PCDH9: variants seen among roughly 807,000 people sequenced by gnomAD.
PCDH9 encodes the protein protocadherin 9.
Under a neutral mutation model 70.6 loss-of-function variants are expected in PCDH9, and 24 were observed. That is an observed-to-expected ratio of 0.34 (90% CI 0.25 to 0.48). PCDH9 has a LOEUF of 0.48. PCDH9 is among the 20% of genes least tolerant of loss of function. The pLI is 0.99. For missense variants in PCDH9, 1,281 were observed against 1,503.6 expected (o/e 0.85, Z 2.45); for synonymous variants, 562 against 558.5 (o/e 1.01, Z -0.09).
chr13:66,827,644 T>C (rs558360849), intron 3 of PCDH9, among the ~76,000 whole-genome samples: 11 of 152,280 alleles, frequency 7.2e-5, no homozygotes, highest in South Asian at 4.1e-4. Flanking sequence ...TCCAAACACC[T>C]AGAGCAACCA....
intron 2 of PCDH9, chr13:67,223,347 C>T (rs1305861333): frequency 6.6e-6 from 1 of 152,184 alleles, no homozygotes; most frequent in African/African-American, 2.4e-5. Context: ...TGGATCTATA[C>T]ATCAATGCTA....
At position 67,225,496 on chromosome 13, in the gene PCDH9, T is replaced by A; in HGVS notation, c.2945A>T (p.Lys982Ile). 6.2e-7 allele frequency: 1 copy of A among 1,613,850 alleles called. No individual in the cohort carries two copies. The change falls in exon 2 of 5, where the codon AAA (lysine) becomes ATA (isoleucine). Residue 982 changes from lysine (K) to isoleucine (I), a missense_variant. By Grantham distance (102) the Lys-to-Ile change is moderately radical (BLOSUM62 -3). Around this residue, in one of 4 missense-constraint regions of PCDH9, gnomAD observed 207 missense variants for 191.8 expected, o/e 1.08. Transcript: ENST00000377865. ...TFVGGCDTLSKRSSTSSDHFS... is the reference protein window; with the variant it reads ...TFVGGCDTLSIRSSTSSDHFS... ...GTGATCTGAACTAGTGGAAGAGCGTTTAGAAAGGGTGTCACAACCCCCAAC... is the reference window on the plus strand; with the variant it reads ...GTGATCTGAACTAGTGGAAGAGCGTATAGAAAGGGTGTCACAACCCCCAAC...
At chr13:67,074,512 C>T (rs1249693510) in intron 2 of PCDH9, among the ~76,000 whole-genome samples, 1 of 152,098 alleles carries the variant, frequency 6.6e-6, no homozygotes, top group African/African-American at 2.4e-5. Context: ...CTATCTACCT[C>T]CCCATAATAG....
intron 2 of PCDH9, among the ~76,000 whole-genome samples, chr13:67,015,447 G>T (rs1036670093): frequency 3.3e-5 from 5 of 151,996 alleles, no homozygotes; most frequent in Admixed American, 1.3e-4. Flanking sequence ...TCTACTTCTG[G>T]TATTTCAATG....
At chr13:66,812,219 A>T (rs2139363484) in intron 3 of PCDH9, among the ~76,000 whole-genome samples, 1 of 152,324 alleles carries the variant, frequency 6.6e-6, no homozygotes, top group Middle Eastern at 3.4e-3. Flanking sequence ...TTTTAATGGA[A>T]GAAAAGGCAG....
chr13:66,929,037 G>GA (rs1259401271), intron 2 of PCDH9, among the ~76,000 whole-genome samples: 4 of 151,842 alleles, frequency 2.6e-5, no homozygotes, highest in Admixed American at 6.6e-5. Context: ...TATGTTACAG[G>GA]AAAAAAATTA....
chr13:66,440,107 T>C (rs571618175), intron 4 of PCDH9, among the ~76,000 whole-genome samples: 2 of 152,296 alleles, frequency 1.3e-5, no homozygotes, highest in Non-Finnish European at 2.9e-5. Context: ...TGGTTTTTTA[T>C]AGTAAACGAA....
At chr13:66,528,662 A>T (rs1960314404) in intron 4 of PCDH9, among the ~76,000 whole-genome samples, 1 of 152,170 alleles carries the variant, frequency 6.6e-6, no homozygotes, top group African/African-American at 2.4e-5. Context: ...GAAAAGTATT[A>T]CTTCAGCACA....
At chr13:66,550,185 A>C (rs903523278) in intron 4 of PCDH9, among the ~76,000 whole-genome samples, 1 of 152,056 alleles carries the variant, frequency 6.6e-6, no homozygotes, top group African/African-American at 2.4e-5. Flanking sequence ...ATGTTGGTTG[A>C]TTTGCGTTTT....
At chr13:67,221,955 G>C (rs555992878) in intron 2 of PCDH9, 2 of 152,166 alleles carry the variant, frequency 1.3e-5, no homozygotes, top group African/African-American at 2.4e-5. Context: ...AGCAGCATCA[G>C]TACCACCTAG....
intron 2 of PCDH9, among the ~76,000 whole-genome samples, chr13:67,103,532 A>G (rs2086474870): frequency 1.3e-5 from 2 of 152,248 alleles, no homozygotes; most frequent in Admixed American, 1.3e-4. Context: ...TATAATTTCA[A>G]ACCTGCTAAC....
intron 3 of PCDH9, among the ~76,000 whole-genome samples, chr13:66,846,365 A>T (rs1020214643): frequency 2.6e-5 from 4 of 152,296 alleles, no homozygotes; most frequent in African/African-American, 9.6e-5. Flanking sequence ...TAATAAGCAG[A>T]TTTCAATCTC....
Position 67,226,962 on chromosome 13 carries a change from G to C in PCDH9, c.1479C>G (p.Ala493=). Residue 493 remains alanine, a synonymous_variant, in exon 2 of 5, where the codon GCC becomes GCG. Coordinates refer to ENST00000377865, the MANE Select transcript of PCDH9 (RefSeq NM_203487.3). The surrounding 1 kb of genome is among the most constrained non-coding windows in gnomAD (Gnocchi z 5.0). ...CATTTTTCCCACTGTCTTCATCTGT[G>C]GCACTAATAGTTGTTAAGTATAACC... is the stretch of plus-strand genomic sequence containing the variant. ...RRGLYLTTIS[A]TDEDSGKNAD... is the part of the protein sequence containing the mutation. 6.2e-7 allele frequency: 1 copy of C among 1,614,172 alleles called. No individual in the cohort carries two copies. The highest frequency in any genetic ancestry group is 8.5e-7 in the Non-Finnish European group (1 of 1,180,028).
At chr13:66,989,390 T>C (rs1272747341) in intron 2 of PCDH9, among the ~76,000 whole-genome samples, 1 of 151,982 alleles carries the variant, frequency 6.6e-6, no homozygotes, top group Non-Finnish European at 1.5e-5. Context: ...ACAGAGATTG[T>C]AGCCATTAAA....
At chr13:66,549,079 AT>A (rs1323684371) in intron 4 of PCDH9, among the ~76,000 whole-genome samples, 2 of 152,136 alleles carry the variant, frequency 1.3e-5, no homozygotes, top group African/African-American at 2.4e-5. Flanking sequence ...TTTCCAAGAA[AT>A]TCTTTTCCTC....
chr13:66,762,135 C>T (rs1040083754), intron 3 of PCDH9, among the ~76,000 whole-genome samples: 4 of 152,038 alleles, frequency 2.6e-5, no homozygotes, highest in Non-Finnish European at 5.9e-5. Context: ...TCCCTCAGAA[C>T]CACCATGGTT....
chr13:66,710,898 T>A (rs553809252), intron 3 of PCDH9, among the ~76,000 whole-genome samples: 2 of 152,304 alleles, frequency 1.3e-5, no homozygotes, highest in East Asian at 3.9e-4. Context: ...TGCCTCTTTC[T>A]TCCACTTTTA....
chr13:66,929,916 T>G (rs9564362), intron 2 of PCDH9, among the ~76,000 whole-genome samples: 26,806 of 152,100 alleles, frequency 0.18, 2,749 homozygotes, highest in East Asian at 0.35. Context: ...AGCTCTCCAG[T>G]GATGTATAAT....
At chr13:66,854,574 A>G in intron 3 of PCDH9, among the ~76,000 whole-genome samples, 1 of 152,090 alleles carries the variant, frequency 6.6e-6, no homozygotes, top group Non-Finnish European at 1.5e-5. Context: ...ATGCTGTTTC[A>G]GCTCTCATAT....
Sources: allele counts gnomAD v4.1 joint callset (sites outside exome capture counted in the v4.1 genomes callset), GRCh38; gene constraint gnomAD v4.1.1; regional missense constraint gnomAD v4.1.1; non-coding constraint Gnocchi (gnomAD v3.1); transcripts MANE v1.5; gene names NCBI Gene and HGNC (gene_info 2026-07-23, HGNC 2026-07-21).